The following STAU1 variants were observed in gnomAD, a reference collection of about 807,000 sequenced individuals.
STAU1 encodes double-stranded RNA-binding protein Staufen homolog 1.
STAU1 carries 13 observed loss-of-function variants against 62.9 expected under a neutral mutation model. The observed-to-expected ratio is 0.21, with a 90% confidence interval of 0.13 to 0.33. The LOEUF (loss-of-function observed/expected upper bound fraction) is 0.33, where lower values mean the gene tolerates loss of function less well. Among genes scored for constraint, STAU1 ranks in the 10% least tolerant of loss-of-function variants. The pLI, the probability that STAU1 is intolerant of heterozygous loss-of-function variation, is 1.00. For synonymous variants in STAU1, 269 were observed against 265.1 expected, an observed-to-expected ratio of 1.01 and a Z score of -0.14; for missense variants, 571 against 712.1, an observed-to-expected ratio of 0.80 and a Z score of 2.25.
the STAU1 span, among the ~76,000 whole-genome samples, chr20:49,205,175 G>A: frequency 3.3e-5 from 5 of 152,160 alleles, no homozygotes; most frequent in Admixed American, 1.3e-4. Context: ...AATTTAAAAC[G>A]TATTTTCGTA....
intron 5 of STAU1, among the ~76,000 whole-genome samples, chr20:49,147,397 T>G (rs1011810462): frequency 2.0e-5 from 3 of 152,346 alleles, no homozygotes. Context: ...CTGCATATCT[T>G]CTAGAGAAGA....
intron 6 of STAU1, 60 bp downstream of exon 6, chr20:49,135,773 C>T: frequency 7.7e-7 from 1 of 1,305,672 alleles, no homozygotes; most frequent in Non-Finnish European, 1.1e-6. Flanking sequence ...AAAAATAACT[C>T]TTATGATGAA....
chr20:49,120,165 AC>A (rs1489228894), intron 8 of STAU1, 37 bp from the exon 9 acceptor site: 1 of 1,580,306 alleles, frequency 6.3e-7, no homozygotes, highest in Admixed American at 1.8e-5. Context: ...CAGTGCTTAA[AC>A]CTTCAGAATA....
intron 7 of STAU1, among the ~76,000 whole-genome samples, chr20:49,123,592 A>G (rs1226061575): frequency 6.6e-6 from 1 of 152,126 alleles, no homozygotes; most frequent in East Asian, 1.9e-4. Context: ...TGGGTTCCCA[A>G]TTTTCTTGAA....
In STAU1 at chr20:49,176,191, T is replaced by A. The variant is rs142721483; in HGVS notation, c.-159-1922A>T. ...TTCTTTCCCTTTATACCTACCACTT[T>A]ATTCGTAAATGTCGTTGGCATATGC... On this transcript the variant is annotated intron_variant, in intron 1 of 13. Transcript: ENST00000371856. Among the ~76,000 whole-genome samples, 1,213 of 152,352 alleles carry A rather than the reference T, an allele frequency of 8.0e-3. 9 individuals carry two copies. Among genetic ancestry groups the A allele is most frequent in the Non-Finnish European group, 0.013 (857 of 68,032 alleles).
chr20:49,138,288 C>T lies in STAU1; in HGVS notation c.511-2357G>A, dbSNP rs36069400. 5.6e-4 allele frequency among the ~76,000 whole-genome samples: 84 copies of T among 151,104 alleles called. 2 individuals are homozygous for T. In the East Asian group the frequency reaches 0.016, roughly 28 times the overall value. ...CAGTGTGAGACCGTGTCACACCCAC[C>T]AAAAAAAGCTATAATTAAAATAAAA... On this transcript the variant is annotated intron_variant, in intron 5 of 13. Coordinates refer to ENST00000371856, the MANE Select transcript of STAU1 (RefSeq NM_017453.4).
chr20:49,166,935 G>A (rs142275602), intron 2 of STAU1, among the ~76,000 whole-genome samples: 89 of 152,284 alleles, frequency 5.8e-4, no homozygotes, highest in African/African-American at 2.1e-3. Context: ...CACAGATCCT[G>A]AGAAGTGATG....
At chr20:49,174,938 A>G (rs1157749668) in intron 1 of STAU1, among the ~76,000 whole-genome samples, 6 of 150,578 alleles carry the variant, frequency 4.0e-5, no homozygotes, top group African/African-American at 1.5e-4. Flanking sequence ...CGTCACAAAA[A>G]AAAAAAAAAA....
the STAU1 span, among the ~76,000 whole-genome samples, chr20:49,201,008 T>C: frequency 8.1e-6 from 1 of 123,402 alleles, no homozygotes; most frequent in Admixed American, 1.1e-4. Flanking sequence ...CACTGCACTC[T>C]GCACTTCAGC....
chr20:49,195,918 G>GAAAAAAAAAAAAAAAAAA, the STAU1 span, among the ~76,000 whole-genome samples: 2 of 74,428 alleles, frequency 2.7e-5, no homozygotes, highest in African/African-American at 4.0e-5. Context: ...AAAAAAAAAA[G>GAAAAAAAAAAAAAAAAAA]AAAAAAGAAA....
chr20:49,158,473 G>C (rs2093398064), intron 3 of STAU1: 1 of 1,304,594 alleles, frequency 7.7e-7, no homozygotes, highest in African/African-American at 1.5e-5. Flanking sequence ...CTTACTTTTA[G>C]GATTCCCTCA....
chr20:49,198,718 C>T, the STAU1 span, among the ~76,000 whole-genome samples: 2 of 152,014 alleles, frequency 1.3e-5, no homozygotes, highest in African/African-American at 2.4e-5. Flanking sequence ...AATTTCAGCA[C>T]TTTGGGAGGC....
chr20:49,153,923 A>G lies in STAU1; in HGVS notation c.344+10T>C. On this transcript the variant is annotated intron_variant, in intron 4 of 13. Transcript: ENST00000371856. The stretch of plus-strand genomic sequence containing the variant: ...GTATTTTACAAAAAAAAAAAAAAAA[A>G]AACACATACCTCGGGGGATAAGCAC... 3.2e-6 allele frequency: 5 copies of G among 1,546,366 alleles called. No individual in the cohort carries two copies. The highest frequency in any genetic ancestry group is 2.3e-5 in the Admixed American group (1 of 44,312).
chr20:49,180,768 G>C (rs748663593), intron 1 of STAU1, among the ~76,000 whole-genome samples: 4 of 152,184 alleles, frequency 2.6e-5, no homozygotes, highest in Non-Finnish European at 5.9e-5. Flanking sequence ...ACAAATAAAA[G>C]TAAACTGGAA....
At position 49,114,703 on chromosome 20, in the gene STAU1, C is replaced by G. The variant is rs2092271238; in HGVS notation, c.*175G>C. The G allele has an allele frequency of 3.0e-6, 2 of 670,638 alleles. No individual in the cohort carries two copies. Among genetic ancestry groups the G allele is most frequent in the African/African-American group, 3.6e-5 (2 of 54,984 alleles). The allele number at this position is 670,638 out of a possible 1,614,324, so 41.5% of individuals were successfully genotyped here. A position where few individuals can be genotyped will look rare whatever the true frequency, so the allele number is the denominator to read the frequency against. On this transcript the variant is annotated 3_prime_UTR_variant, in exon 14 of 14. Coordinates refer to ENST00000371856, the MANE Select transcript of STAU1 (RefSeq NM_017453.4). ...CACAACAAACCCCAGCACAGTCCAG[C>G]CCGGCCACAGCCGCCTCCTTGTGTT... is the stretch of plus-strand genomic sequence containing the variant.
intron 5 of STAU1, among the ~76,000 whole-genome samples, chr20:49,147,939 T>C (rs912590616): frequency 4.6e-5 from 7 of 152,246 alleles, no homozygotes; most frequent in African/African-American, 1.7e-4. Context: ...TCAGTGAATA[T>C]ACACCAAATG....
At chr20:49,215,472 C>T in the STAU1 span, among the ~76,000 whole-genome samples, 5 of 152,246 alleles carry the variant, frequency 3.3e-5, no homozygotes, top group African/African-American at 1.2e-4. Context: ...GAAACTTACA[C>T]TTTAGATTCA....
rs1302173291 is a variant in STAU1, at chr20:49,124,490, ATCT to A, written c.704_706del (p.Lys235del). 3.7e-6 allele frequency: 6 copies of A among 1,614,096 alleles called. No homozygotes were observed. Among genetic ancestry groups the A allele is most frequent in the East Asian group, 2.2e-5 (1 of 44,886 alleles). On this transcript the variant is annotated inframe_deletion, in exon 7 of 14. Coordinates refer to ENST00000371856, the MANE Select transcript of STAU1 (RefSeq NM_017453.4). ...AGCTATGGCGGCATTTTTCTTTGAAATCTTCTTGCTTTTCCCTTCACCTTCCCC... is the reference window on the plus strand; with the variant it reads ...AGCTATGGCGGCATTTTTCTTTGAAATCTTGCTTTTCCCTTCACCTTCCCC...
chr20:49,114,673 GC>G lies in STAU1; in HGVS notation c.*204del, dbSNP rs560145563. Reference sequence around the variant, plus strand: ...GTAGGGACCGCCAGGTCACCGAGTGGCCATCACAACAAACCCCAGCACAGTC... The same window carrying G: ...GTAGGGACCGCCAGGTCACCGAGTGGCATCACAACAAACCCCAGCACAGTC... On this transcript the variant is annotated 3_prime_UTR_variant, in exon 14 of 14. Transcript: ENST00000371856. 8.9e-5 allele frequency: 48 copies of G among 538,940 alleles called. No individual in the cohort carries two copies. The highest frequency in any genetic ancestry group is 1.6e-4 in the Non-Finnish European group (47 of 295,982). 33.4% of individuals were successfully genotyped at this position (538,940 alleles called of 1,614,324 possible).
Sources: allele counts gnomAD v4.1 joint callset (sites outside exome capture counted in the v4.1 genomes callset), GRCh38; gene constraint gnomAD v4.1.1; transcripts MANE v1.5; gene names NCBI Gene and HGNC (gene_info 2026-07-23, HGNC 2026-07-21).